Variants in MBNL2 observed in about 807,000 individuals in gnomAD.
MBNL2 encodes the protein muscleblind-like protein 2.
A neutral mutation model predicts 41.9 loss-of-function variants in MBNL2; 17 were observed. The observed-to-expected ratio is 0.41, with a 90% CI of 0.28 to 0.61. The LOEUF (loss-of-function observed/expected upper bound fraction) is 0.61, where lower values mean the gene tolerates loss of function less well. MBNL2 is among the 20% of genes least tolerant of loss of function. MBNL2 has a pLI of 0.35. For synonymous variants in MBNL2, 195 were observed against 182.9 expected, an observed-to-expected ratio of 1.07 and a Z score of -0.53; for missense variants, 336 against 505.6, an observed-to-expected ratio of 0.66 and a Z score of 3.22.
chr13:97,299,073 A>G (rs2057350437), intron 2 of MBNL2, among the ~76,000 whole-genome samples: 1 of 152,170 alleles, frequency 6.6e-6, no homozygotes, highest in African/African-American at 2.4e-5. Context: ...GAATTGCAGG[A>G]TTAGGACTGA....
rs116700845 is a variant in MBNL2, at chr13:97,275,363, G to A, written c.-604-269G>A. ...TTTTGGCGATTAAGCACATTAGATGGGATTGTTTCAGAAGGCCTAATTATT... is the reference window on the plus strand; with the variant it reads ...TTTTGGCGATTAAGCACATTAGATGAGATTGTTTCAGAAGGCCTAATTATT... On this transcript the variant is annotated intron_variant, in intron 1 of 8. Transcript: ENST00000679496. 6.3e-3 allele frequency among the ~76,000 whole-genome samples: 955 copies of A among 152,246 alleles called. 8 individuals carry two copies. Among genetic ancestry groups the A allele is most frequent in the African/African-American group, 0.022 (909 of 41,542 alleles).
At chr13:97,287,924 T>G (rs552781666) in intron 2 of MBNL2, among the ~76,000 whole-genome samples, 23 of 121,596 alleles carry the variant, frequency 1.9e-4, no homozygotes, top group East Asian at 4.9e-4. Context: ...TTCTGTTTTT[T>G]TTTTGTTTTG....
At chr13:97,239,185 T>G (rs1423001388) in intron 1 of MBNL2, among the ~76,000 whole-genome samples, 1 of 152,256 alleles carries the variant, frequency 6.6e-6, no homozygotes, top group African/African-American at 2.4e-5. Flanking sequence ...GTTTATTATT[T>G]TCTTTAGCTT....
the MBNL2 span, among the ~76,000 whole-genome samples, chr13:97,197,865 C>T: frequency 6.6e-6 from 1 of 152,202 alleles, no homozygotes; most frequent in South Asian, 2.1e-4. Flanking sequence ...TTATTTAATT[C>T]TATGGCTGTG....
At chr13:97,318,703 A>G (rs886169763) in intron 2 of MBNL2, among the ~76,000 whole-genome samples, 2 of 152,218 alleles carry the variant, frequency 1.3e-5, no homozygotes, top group African/African-American at 4.8e-5. Context: ...GTGACAGATG[A>G]AGAACAGCTG....
intron 6 of MBNL2, 23 bp downstream of exon 6, chr13:97,356,872 G>A (rs771322333): frequency 1.1e-5 from 15 of 1,341,692 alleles, no homozygotes; most frequent in African/African-American, 3.0e-5. Context: ...TTCACCTTTC[G>A]CTTTGCATGT....
intron 1 of MBNL2, among the ~76,000 whole-genome samples, chr13:97,224,984 A>C (rs1198226558): frequency 6.6e-6 from 1 of 152,240 alleles, no homozygotes; most frequent in Non-Finnish European, 1.5e-5. Context: ...TTTTGTGTTA[A>C]ATTTGTGAAA....
chr13:97,203,350 A>G, the MBNL2 span, among the ~76,000 whole-genome samples: 2 of 152,174 alleles, frequency 1.3e-5, no homozygotes, highest in African/African-American at 4.8e-5. Flanking sequence ...TAATTCTGTG[A>G]ATAGAGGCGC....
chr13:97,329,739 TACACC>T (rs2060255972), intron 2 of MBNL2, among the ~76,000 whole-genome samples: 2 of 122 alleles, frequency 0.016, no homozygotes, highest in Non-Finnish European at 0.026. Flanking sequence ...ATACAACACA[TACACC>T]ATACATACTA....
In MBNL2 at chr13:97,327,560, T is replaced by TAAAAAAAA. The variant is rs71922683; in HGVS notation, c.175-6700_175-6693dup. Among the ~76,000 whole-genome samples, 500 of 90,696 alleles carry TAAAAAAAA rather than the reference T, an allele frequency of 5.5e-3. 18 individuals are homozygous for TAAAAAAAA. The highest frequency in any genetic ancestry group is 0.024 in the Admixed American group (180 of 7,378). The allele number at this position is 90,696 out of a possible 152,430, so 59.5% of individuals were successfully genotyped here. On this transcript the variant is annotated intron_variant, in intron 2 of 8. Transcript: ENST00000679496. ...GGCACAGACTATTATACGTTATTTG[T>TAAAAAAAA]AAAAAAAAAAAAAAAAAAAAAAAGT...
At chr13:97,163,260 C>G in the MBNL2 span, among the ~76,000 whole-genome samples, 1 of 152,036 alleles carries the variant, frequency 6.6e-6, no homozygotes, top group Non-Finnish European at 1.5e-5. Flanking sequence ...GAAAAAAGGA[C>G]AAATCGAGGT....
rs570627223 is a variant in MBNL2, at chr13:97,244,066, A to G, written c.-605+21535A>G. Among the ~76,000 whole-genome samples the G allele has an allele frequency of 2.6e-5, 4 of 152,346 alleles. 1 individual carries two copies. In the South Asian group the frequency reaches 6.2e-4, roughly 24 times the overall value. On this transcript the variant is annotated intron_variant, in intron 1 of 8. Transcript: ENST00000679496. Reference sequence around the variant, plus strand: ...CTCTTTTGGCTAAAAATGACCAAATAAAAAACAGATTCATCTCATGTAACA... The same window carrying G: ...CTCTTTTGGCTAAAAATGACCAAATGAAAAACAGATTCATCTCATGTAACA...
At chr13:97,271,582 C>A (rs1311886695) in intron 1 of MBNL2, among the ~76,000 whole-genome samples, 1 of 152,128 alleles carries the variant, frequency 6.6e-6, no homozygotes, top group East Asian at 1.9e-4. Flanking sequence ...CCTCCCCTCA[C>A]CCCGTAAACC....
At chr13:97,207,671 CT>C in the MBNL2 span, among the ~76,000 whole-genome samples, 2 of 152,206 alleles carry the variant, frequency 1.3e-5, no homozygotes, top group East Asian at 1.9e-4. Flanking sequence ...AATTCCACCC[CT>C]GGCCCCTCCC....
At chr13:97,191,813 C>T in the MBNL2 span, among the ~76,000 whole-genome samples, 1 of 152,190 alleles carries the variant, frequency 6.6e-6, no homozygotes, top group African/African-American at 2.4e-5. Flanking sequence ...AGGGGGAGCC[C>T]TCTGCAGCTG....
chr13:97,329,626 CT>C (rs2060206658), intron 2 of MBNL2, among the ~76,000 whole-genome samples: 9 of 510 alleles, frequency 0.018, no homozygotes, highest in Non-Finnish European at 0.026. Context: ...CACACACACA[CT>C]AGACACACAA....
intron 2 of MBNL2, among the ~76,000 whole-genome samples, chr13:97,314,213 G>A (rs1236426459): frequency 6.6e-6 from 1 of 152,054 alleles, no homozygotes; most frequent in Non-Finnish European, 1.5e-5. Flanking sequence ...CCTGCCTCAG[G>A]ACCATTGCAT....
chr13:97,358,754 A>G (rs2063178343), intron 7 of MBNL2, among the ~76,000 whole-genome samples: 1 of 152,248 alleles, frequency 6.6e-6, no homozygotes. Flanking sequence ...ATGAAAGTAA[A>G]TATAAATGAA....
the MBNL2 span, among the ~76,000 whole-genome samples, chr13:97,181,839 A>C: frequency 6.6e-6 from 1 of 152,174 alleles, no homozygotes; most frequent in Non-Finnish European, 1.5e-5. Flanking sequence ...GGTTATGTCC[A>C]ATGAGCTACT....
Sources: allele counts gnomAD v4.1 joint callset (sites outside exome capture counted in the v4.1 genomes callset), GRCh38; gene constraint gnomAD v4.1.1; transcripts MANE v1.5; gene names NCBI Gene and HGNC (gene_info 2026-07-23, HGNC 2026-07-21).